Variants in NEK5 observed in about 807,000 individuals in gnomAD.
NEK5 encodes the protein NIMA related kinase 5, also known as serine/threonine-protein kinase Nek5.
In NEK5, 88 loss-of-function variants were observed where a neutral mutation model predicts 109.2. The ratio of observed to expected loss-of-function variants is 0.81; its 90% CI spans 0.68 to 0.96. NEK5 has a LOEUF of 0.96. Ranked by LOEUF, NEK5 falls within the 40% of genes least tolerant of loss-of-function variation. The pLI is 0.00. For missense variants in NEK5, 834 were observed against 920.7 expected, an observed-to-expected ratio of 0.91 and a Z score of 1.22; for synonymous variants, 283 against 299.9, an observed-to-expected ratio of 0.94 and a Z score of 0.58.
intron 8 of NEK5, 83 bp from the exon 9 acceptor site, chr13:52,104,635 G>T: frequency 1.1e-6 from 1 of 913,948 alleles, no homozygotes; most frequent in Non-Finnish European, 1.8e-6. Context: ...CCTTAAATTT[G>T]TGTCGCTTTA....
chr13:52,110,242 G>A (rs1005861869), intron 7 of NEK5, 98 bp downstream of exon 7: 7 of 783,830 alleles, frequency 8.9e-6, no homozygotes, highest in African/African-American at 5.3e-5. Context: ...AAATTATTTA[G>A]ACAACCAAGA....
chr13:52,092,833 C>T (rs574012461), intron 13 of NEK5, among the ~76,000 whole-genome samples: 1 of 152,246 alleles, frequency 6.6e-6, no homozygotes, highest in South Asian at 2.1e-4. Flanking sequence ...TTGCAGTGAG[C>T]TGAGATTGCG....
Position 52,099,797 on chromosome 13 carries a change from A to C in NEK5, c.972T>G (p.Ala324=). ...SRISVPIKRN[A]ILHRNEWRPP... is the part of the protein sequence containing the mutation. ...GTCTCCATTCATTTCTATGCAATATAGCATTCCTTTTAATTGGCACAGATA... is the reference window on the plus strand; with the variant it reads ...GTCTCCATTCATTTCTATGCAATATCGCATTCCTTTTAATTGGCACAGATA... Residue 324 remains alanine (A), a synonymous_variant, in exon 12 of 24, where the codon GCT becomes GCG. Transcript: ENST00000684899. The C allele has an allele frequency of 6.2e-7, 1 of 1,613,898 alleles. No homozygotes were observed. The highest frequency in any genetic ancestry group is 8.5e-7 in the Non-Finnish European group (1 of 1,179,732).
intron 11 of NEK5, among the ~76,000 whole-genome samples, chr13:52,100,761 AC>A (rs1955512959): frequency 6.6e-6 from 1 of 152,198 alleles, no homozygotes; most frequent in Non-Finnish European, 1.5e-5. Flanking sequence ...AGAAATATGG[AC>A]AATACACAGT....
chr13:52,049,882 A>T (rs1283492710), intron 23 of NEK5, among the ~76,000 whole-genome samples: 1 of 152,198 alleles, frequency 6.6e-6, no homozygotes, highest in East Asian at 1.9e-4. Context: ...ACCAGGTATC[A>T]GGAGGTACAA....
chr13:52,069,657 A>G (rs1371426336), intron 20 of NEK5, among the ~76,000 whole-genome samples: 3 of 152,182 alleles, frequency 2.0e-5, no homozygotes, highest in African/African-American at 4.8e-5. Context: ...AGCTTCATGC[A>G]TTTGAATTAG....
intron 12 of NEK5, among the ~76,000 whole-genome samples, chr13:52,094,262 A>G (rs1293182143): frequency 1.3e-5 from 2 of 152,228 alleles, no homozygotes; most frequent in African/African-American, 4.8e-5. Flanking sequence ...AGTGGGGTCA[A>G]TTTAACCTAA....
At chr13:52,060,368 T>A (rs1043536012) in intron 22 of NEK5, among the ~76,000 whole-genome samples, 6 of 152,212 alleles carry the variant, frequency 3.9e-5, no homozygotes, top group African/African-American at 1.4e-4. Flanking sequence ...TTTTTGTTTT[T>A]TTTTAGACAA....
chr13:52,126,375 A>G (rs1357944971), intron 3 of NEK5, among the ~76,000 whole-genome samples: 1 of 152,282 alleles, frequency 6.6e-6, no homozygotes, highest in African/African-American at 2.4e-5. Flanking sequence ...AAATGTGTTT[A>G]GCACCTATTA....
At chr13:52,124,390 G>A (rs1459659718) in intron 3 of NEK5, among the ~76,000 whole-genome samples, 3 of 152,092 alleles carry the variant, frequency 2.0e-5, no homozygotes, top group Admixed American at 1.3e-4. Context: ...TATATATGGA[G>A]AATATATATA....
intron 8 of NEK5, among the ~76,000 whole-genome samples, chr13:52,105,308 A>C (rs1955629823): frequency 6.6e-6 from 1 of 151,842 alleles, no homozygotes; most frequent in Admixed American, 6.6e-5. Context: ...ACTCATACTA[A>C]AAGTTTGAGT....
chr13:52,110,691 C>T lies in NEK5; in HGVS notation c.313-114G>A, dbSNP rs1002693040. ...ACACACACACACACACACATACACACATATAGTGTATGTGTATTTATAGGA... is the reference window on the plus strand; with the variant it reads ...ACACACACACACACACACATACACATATATAGTGTATGTGTATTTATAGGA... On this transcript the variant is annotated intron_variant, in intron 5 of 23. Coordinates refer to ENST00000684899, the MANE Select transcript of NEK5 (RefSeq NM_001365552.1). 2.4e-5 allele frequency: 15 copies of T among 617,108 alleles called. No homozygotes were observed. The African/African-American group carries it at 2.8e-4, about 11-fold the overall frequency. 38.2% of individuals were successfully genotyped at this position (617,108 alleles called of 1,614,324 possible).
In NEK5 at chr13:52,048,455, CCAA is replaced by C. The variant is rs149107998; in HGVS notation, c.2228+1646_2228+1648del. On this transcript the variant is annotated intron_variant, in intron 23 of 23. Transcript: ENST00000684899. ...ATACAAAAAAATCCCATTTAAAATA[CCAA>C]CAACAACAAAATTAAGTGGTACCTA... Among the ~76,000 whole-genome samples the C allele has an allele frequency of 3.3e-3, 496 of 151,766 alleles. 3 individuals carry two copies. Among genetic ancestry groups the C allele is most frequent in the African/African-American group, 0.011 (472 of 41,388 alleles).
At chr13:52,041,419 A>T (rs1418201978) in intron 23 of NEK5, among the ~76,000 whole-genome samples, 6 of 152,094 alleles carry the variant, frequency 3.9e-5, no homozygotes, top group Non-Finnish European at 7.4e-5. Context: ...AACTCAATAG[A>T]TGGTACCCAG....
intron 20 of NEK5, among the ~76,000 whole-genome samples, chr13:52,066,463 TGG>T (rs996597107): frequency 7.9e-5 from 12 of 152,002 alleles, no homozygotes; most frequent in African/African-American, 2.2e-4. Flanking sequence ...ATTTATTCTG[TGG>T]TTTTTTTTTC....
intron 4 of NEK5, among the ~76,000 whole-genome samples, chr13:52,115,314 T>G (rs1249262451): frequency 6.6e-6 from 1 of 151,758 alleles, no homozygotes; most frequent in Non-Finnish European, 1.5e-5. Flanking sequence ...AGAGATAGCT[T>G]AAACTACTGG....
chr13:52,063,667 G>A (rs1361489772), intron 21 of NEK5, among the ~76,000 whole-genome samples: 3 of 150,158 alleles, frequency 2.0e-5, no homozygotes, highest in African/African-American at 7.4e-5. Context: ...GAGATGTGGG[G>A]AGCACCTCTG....
chr13:52,092,469 A>C (rs1955306690), intron 13 of NEK5, among the ~76,000 whole-genome samples: 1 of 152,152 alleles, frequency 6.6e-6, no homozygotes, highest in African/African-American at 2.4e-5. Flanking sequence ...TCTTGCCTGT[A>C]GTCCCAGCAC....
intron 22 of NEK5, among the ~76,000 whole-genome samples, chr13:52,060,603 C>T (rs1319685472): frequency 6.6e-6 from 1 of 152,166 alleles, no homozygotes; most frequent in African/African-American, 2.4e-5. Flanking sequence ...GCCTCGGCCT[C>T]CCAAAGTGCC....
Sources: gnomAD v4.1 joint callset for allele counts (sites outside exome capture counted in the v4.1 genomes callset) on GRCh38, gnomAD v4.1.1 for gene constraint, MANE v1.5 for transcripts, NCBI Gene and HGNC (gene_info 2026-07-23, HGNC 2026-07-21) for gene names.